Variants in NFE2L3 observed in about 807,000 individuals in gnomAD.
The protein encoded by NFE2L3 is NFE2 like bZIP transcription factor 3.
In NFE2L3, 18 loss-of-function variants were observed where a neutral mutation model predicts 23.5. The ratio of observed to expected loss-of-function variants is 0.77; its 90% CI spans 0.53 to 1.13. The LOEUF (loss-of-function observed/expected upper bound fraction) is 1.13, where lower values mean the gene tolerates loss of function less well. Among genes scored for constraint, NFE2L3 ranks in the 50% most tolerant of loss-of-function variants. NFE2L3 has a pLI of 0.00. For synonymous variants in NFE2L3, 424 were observed against 354.5 expected, an observed-to-expected ratio of 1.20 and a Z score of -2.20; for missense variants, 1,152 against 877.2, an observed-to-expected ratio of 1.31 and a Z score of -3.96.
In NFE2L3 at chr7:26,185,988, A is replaced by G. The variant is rs1782476098; in HGVS notation, c.*205A>G. 2.1e-6 allele frequency: 1 copy of G among 473,484 alleles called. No homozygotes were observed. The allele number at this position is 473,484 out of a possible 1,614,324, so 29.3% of individuals were successfully genotyped here. On this transcript the variant is annotated 3_prime_UTR_variant, in exon 4 of 4. Coordinates refer to ENST00000056233, the MANE Select transcript of NFE2L3 (RefSeq NM_004289.7). ...TTGTGGGCAATCTGGGGGAGCCACA[A>G]CTTTTCATGAAGTGCATTGTATACA...
At chr7:26,172,607 G>T (rs1429050938) in intron 1 of NFE2L3, among the ~76,000 whole-genome samples, 1 of 152,144 alleles carries the variant, frequency 6.6e-6, no homozygotes, top group Non-Finnish European at 1.5e-5. Flanking sequence ...CTCTCTCAGT[G>T]TTTCTTCACC....
chr7:26,155,951 G>C (rs893575058), intron 1 of NFE2L3, among the ~76,000 whole-genome samples: 1 of 152,140 alleles, frequency 6.6e-6, no homozygotes, highest in Non-Finnish European at 1.5e-5. Context: ...TTGTAGCTGC[G>C]CTCTTCTGCC....
At chr7:26,180,376 G>A (rs1784485118) in intron 2 of NFE2L3, among the ~76,000 whole-genome samples, 1 of 152,042 alleles carries the variant, frequency 6.6e-6, no homozygotes, top group South Asian at 2.1e-4. Flanking sequence ...TTTTTTCCCA[G>A]CTGGTATTCT....
rs3216947 is a variant in NFE2L3 at position 26,186,479 on chromosome 7, A to ATACTT, written c.*697_*701dup. The ATACTT allele has an allele frequency of 0.05, 7,559 of 152,300 alleles. 550 individuals are homozygous for ATACTT. The highest frequency in any genetic ancestry group is 0.36 in the East Asian group (1,843 of 5,160). The allele number at this position is 152,300 out of a possible 1,614,324, so 9.4% of individuals were successfully genotyped here. A position where few individuals can be genotyped will look rare whatever the true frequency, so the allele number is the denominator to read the frequency against. Reference sequence around the variant, plus strand: ...AAGGCAAATCCACCCCCCTACCCCAATACTTAACACACAGAATACTATGTG... The same window carrying ATACTT: ...AAGGCAAATCCACCCCCCTACCCCAATACTTTACTTAACACACAGAATACTATGTG... On this transcript the variant is annotated 3_prime_UTR_variant, in exon 4 of 4. Transcript: ENST00000056233.
chr7:26,173,085 CTCATTTTATTCAAT>C (rs993726551), intron 1 of NFE2L3, among the ~76,000 whole-genome samples: 2 of 152,012 alleles, frequency 1.3e-5, no homozygotes, highest in Admixed American at 6.6e-5. Context: ...TTTTATTCAA[CTCATTTTATTCAAT>C]GAGTTATGAT....
Position 26,184,563 on chromosome 7 carries a change from G to T in NFE2L3, c.865G>T (p.Gly289Cys), listed in dbSNP as rs1353925467. ...GISLGDIPLP[G>C]SISDGMNSSA... The stretch of plus-strand genomic sequence containing the variant: ...CTCATTGGGAGATATTCCTCTTCCA[G>T]GCAGTATCAGTGATGGCATGAATTC... Residue 289 changes from glycine (G) to cysteine (C), a missense_variant, in exon 4 of 4, where the codon GGC (glycine) becomes TGC (cysteine). Transcript: ENST00000056233. 1 of 1,613,180 alleles carries T rather than the reference G, an allele frequency of 6.2e-7. No individual in the cohort carries two copies. The highest frequency in any genetic ancestry group is 8.5e-7 in the Non-Finnish European group (1 of 1,179,448).
intron 1 of NFE2L3, among the ~76,000 whole-genome samples, chr7:26,164,955 T>C (rs1276886658): frequency 6.6e-6 from 1 of 152,222 alleles, no homozygotes; most frequent in African/African-American, 2.4e-5. Context: ...GATCAGATAG[T>C]TGTAGATATG....
At chr7:26,177,906 CTG>C (rs1422112154) in intron 1 of NFE2L3, 35 bp from the exon 2 acceptor site, 2 of 1,577,178 alleles carry the variant, frequency 1.3e-6, no homozygotes, top group African/African-American at 1.4e-5. Flanking sequence ...GTTTTAAAGA[CTG>C]TTTGCTTATT....
intron 2 of NFE2L3, among the ~76,000 whole-genome samples, chr7:26,178,477 C>G (rs1359231413): frequency 1.3e-5 from 2 of 152,116 alleles, no homozygotes; most frequent in Non-Finnish European, 2.9e-5. Flanking sequence ...CCAGGCTGGC[C>G]TAGTCCAGGA....
At chr7:26,163,849 TC>T (rs1317232518) in intron 1 of NFE2L3, among the ~76,000 whole-genome samples, 2 of 152,058 alleles carry the variant, frequency 1.3e-5, no homozygotes, top group African/African-American at 4.8e-5. Flanking sequence ...ATGTTCCCCT[TC>T]CTGTGTCCAT....
Position 26,185,810 on chromosome 7 carries a change from T to A in NFE2L3, c.*27T>A. ...AAGAAACTGAAGATGGACTCTATTA[T>A]GTGAAGTAGTAATGTTCAGAAACTG... On this transcript the variant is annotated 3_prime_UTR_variant, in exon 4 of 4. Transcript: ENST00000056233. 1 of 1,541,438 alleles carries A rather than the reference T, an allele frequency of 6.5e-7. No homozygotes were observed. The highest frequency in any genetic ancestry group is 1.2e-5 in the South Asian group (1 of 80,674).
chr7:26,183,946 TCTTTCCA>T, intron 3 of NFE2L3, 162 bp downstream of exon 3: 1 of 560,594 alleles, frequency 1.8e-6, no homozygotes, highest in Non-Finnish European at 3.2e-6. Context: ...ATAGCATTCC[TCTTTCCA>T]AATAATCCCA....
chr7:26,169,998 G>A (rs904384075), intron 1 of NFE2L3, among the ~76,000 whole-genome samples: 4 of 152,150 alleles, frequency 2.6e-5, no homozygotes, highest in Non-Finnish European at 5.9e-5. Flanking sequence ...GAGCTATGCA[G>A]TCTCTTCCCC....
rs1192304442 is a variant in NFE2L3 at position 26,152,668 on chromosome 7, A to G, written c.170A>G (p.Tyr57Cys). 1.3e-6 allele frequency: 2 copies of G among 1,489,700 alleles called. No homozygotes were observed. Among genetic ancestry groups the G allele is most frequent in the Admixed American group, 4.4e-5 (2 of 45,116 alleles). The allele number at this position is 1,489,700 out of a possible 1,614,324, so 92.3% of individuals were successfully genotyped here. ...LFLGGPASSA[Y>C]ALSPFSASGG... ...CTGGGCGGCCCGGCCAGCTCCGCCTACGCGCTCAGCCCCTTCTCGGCCTCG... is the reference window on the plus strand; with the variant it reads ...CTGGGCGGCCCGGCCAGCTCCGCCTGCGCGCTCAGCCCCTTCTCGGCCTCG... Residue 57 changes from tyrosine to cysteine, a missense_variant, in exon 1 of 4, where the codon TAC becomes TGC. By Grantham distance (194) the Tyr-to-Cys change is radical. Transcript: ENST00000056233. The surrounding 1 kb of genome is among the most constrained non-coding windows in gnomAD (Gnocchi z 4.4).
chr7:26,163,061 C>A (rs985529480), intron 1 of NFE2L3, among the ~76,000 whole-genome samples: 16 of 152,018 alleles, frequency 1.1e-4, no homozygotes, highest in African/African-American at 3.9e-4. Context: ...GTGGATAATG[C>A]CCCCCTCCCC....
rs150480522 is a variant in NFE2L3, at chr7:26,183,719, G to C, written c.769G>C (p.Asp257His). 2.5e-6 allele frequency: 4 copies of C among 1,611,978 alleles called. No individual in the cohort carries two copies. Among genetic ancestry groups the C allele is most frequent in the Non-Finnish European group, 3.4e-6 (4 of 1,178,036 alleles). ...TCTACAGAGACATCTGAATGGGACA[G>C]ATACTTCTTTCTCTCTGGAAGACTT... ...SRNERHLNGT[D>H]TSFSLEDLFQ... The change falls in exon 3 of 4, where the codon GAT becomes CAT. Residue 257 changes from aspartate to histidine, a missense_variant. Coordinates refer to ENST00000056233, the MANE Select transcript of NFE2L3 (RefSeq NM_004289.7).
Position 26,152,892 on chromosome 7 carries a change from G to A in NFE2L3, c.394G>A (p.Ala132Thr), listed in dbSNP as rs1442690843. 1.4e-6 allele frequency: 2 copies of A among 1,451,320 alleles called. No homozygotes were observed. The highest frequency in any genetic ancestry group is 3.0e-5 in the East Asian group (1 of 33,470). The allele number at this position is 1,451,320 out of a possible 1,614,324, so 89.9% of individuals were successfully genotyped here. A position where few individuals can be genotyped will look rare whatever the true frequency, so the allele number is the denominator to read the frequency against. Residue 132 changes from alanine to threonine, a missense_variant, in exon 1 of 4, where the codon GCC (alanine) becomes ACC (threonine). Transcript: ENST00000056233. This position sits in a 1 kb window ranked among gnomAD's most constrained non-coding sequence, Gnocchi z 4.4. ...DEAHGLLGAA[A>T]ASSTGGAGAS... Reference sequence around the variant, plus strand: ...GGCCCACGGGCTGCTCGGCGCCGCCGCCGCCTCGTCCACCGGAGGAGCCGG... The same window carrying A: ...GGCCCACGGGCTGCTCGGCGCCGCCACCGCCTCGTCCACCGGAGGAGCCGG...
chr7:26,184,676 A>T lies in NFE2L3; in HGVS notation c.978A>T (p.Thr326=), dbSNP rs761238173. ...HEAILLCPNN[T]FRRDPTARTS... is the part of the protein sequence containing the mutation. ...CCATCTTGCTTTGTCCCAACAATAC[A>T]TTTAGAAGAGATCCAACAGCAAGGA... The change falls in exon 4 of 4, where the codon ACA becomes ACT. Residue 326 remains threonine (T), a synonymous_variant. Transcript: ENST00000056233. 1 of 1,613,934 alleles carries T rather than the reference A, an allele frequency of 6.2e-7. No homozygotes were observed. The highest frequency in any genetic ancestry group is 8.5e-7 in the Non-Finnish European group (1 of 1,179,846).
In NFE2L3 at chr7:26,183,682, T is replaced by C. The variant is rs2128100451; in HGVS notation, c.751-19T>C. 1.9e-6 allele frequency: 3 copies of C among 1,538,518 alleles called. No homozygotes were observed. Among genetic ancestry groups the C allele is most frequent in the Non-Finnish European group, 2.7e-6 (3 of 1,111,442 alleles). On this transcript the variant is annotated intron_variant, in intron 2 of 3. Transcript: ENST00000056233. ...TCAGTCTTTTATGTGAAAGATGCACTTTTTGTGTTTCTCTACAGAGACATC... is the reference window on the plus strand; with the variant it reads ...TCAGTCTTTTATGTGAAAGATGCACCTTTTGTGTTTCTCTACAGAGACATC...
Sources: allele counts gnomAD v4.1 joint callset (sites outside exome capture counted in the v4.1 genomes callset), GRCh38; gene constraint gnomAD v4.1.1; non-coding constraint Gnocchi (gnomAD v3.1); transcripts MANE v1.5; gene names NCBI Gene and HGNC (gene_info 2026-07-23, HGNC 2026-07-21).